CCDC157: variants seen among roughly 807,000 people sequenced by gnomAD.
CCDC157 encodes coiled-coil domain-containing protein 157.
A neutral mutation model predicts 70.9 loss-of-function variants in CCDC157; 60 were observed. That is an observed-to-expected ratio of 0.85 (90% CI 0.69 to 1.05). The LOEUF (loss-of-function observed/expected upper bound fraction) is 1.05, where lower values mean the gene tolerates loss of function less well. Ranked by LOEUF, CCDC157 falls within the 50% of genes least tolerant of loss-of-function variation. The probability of loss-of-function intolerance (pLI) is 0.00; values close to 1 mark genes in which losing one functional copy is unlikely to be tolerated. For missense variants in CCDC157, 943 were observed against 984.2 expected (o/e 0.96, Z 0.56); for synonymous variants, 373 against 422.4 (o/e 0.88, Z 1.43).
intron 3 of CCDC157, among the ~76,000 whole-genome samples, chr22:30,368,162 C>T (rs1932795699): frequency 6.6e-6 from 1 of 152,194 alleles, no homozygotes; most frequent in Non-Finnish European, 1.5e-5. Context: ...ACAGAGAAGC[C>T]AGGGTTACCA....
In CCDC157 at chr22:30,366,068, G is replaced by A. The variant is rs1932707407; in HGVS notation, c.68G>A (p.Gly23Asp). The A allele has an allele frequency of 1.2e-6, 2 of 1,609,162 alleles. No homozygotes were observed. Among genetic ancestry groups the A allele is most frequent in the Non-Finnish European group, 1.7e-6 (2 of 1,179,866 alleles). ...SLRTDLTDLQ[G>D]AIVDVFSRAG... ...CGCACAGACCTCACCGACCTGCAGG[G>A]TGCCATCGTAGACGTCTTCTCCCGC... Residue 23 changes from glycine (G) to aspartate (D), a missense_variant, in exon 3 of 12, where the codon GGT becomes GAT. Transcript: ENST00000338306.
At chr22:30,374,885 G>A (rs1391329234) in intron 9 of CCDC157, 1 of 332,016 alleles carries the variant, frequency 3.0e-6, no homozygotes, top group Non-Finnish European at 5.7e-6. Flanking sequence ...GCTCACTTTG[G>A]CTGTAGCCTG....
intron 10 of CCDC157, 167 bp downstream of exon 10, chr22:30,375,830 T>C: frequency 1.6e-6 from 1 of 642,218 alleles, no homozygotes; most frequent in South Asian, 2.0e-5. Context: ...GTGAGGATGT[T>C]ATGGATCCGA....
At position 30,374,069 on chromosome 22, in the gene CCDC157, G is replaced by A. The variant is rs1366657474; in HGVS notation, c.1650G>A (p.Arg550=). ...RLLVAFPDLH[R]PTETQIHGGR... is the part of the protein sequence containing the mutation. ...TGGTGGCCTTCCCAGACCTGCACAG[G>A]CCCACCGAGACCCAGATCCATGGTA... Residue 550 remains arginine, a synonymous_variant, in exon 9 of 12, where the codon AGG becomes AGA. Coordinates refer to ENST00000338306, the MANE Select transcript of CCDC157 (RefSeq NM_001017437.5). 6.3e-7 allele frequency: 1 copy of A among 1,599,598 alleles called. No homozygotes were observed. The highest frequency in any genetic ancestry group is 1.7e-5 in the Admixed American group (1 of 57,888).
intron 7 of CCDC157, chr22:30,372,748 C>T (rs567503112): frequency 1.3e-5 from 2 of 159,648 alleles, no homozygotes; most frequent in Admixed American, 6.2e-5. Flanking sequence ...TGGGGCCTCA[C>T]AGGAGTCCTC....
At chr22:30,362,448 A>G (rs547332198) in intron 2 of CCDC157, among the ~76,000 whole-genome samples, 1 of 152,224 alleles carries the variant, frequency 6.6e-6, no homozygotes, top group Non-Finnish European at 1.5e-5. Context: ...CTTATCTAGA[A>G]GAAGTGTGGG....
rs1245804635 is a variant in CCDC157, at chr22:30,370,643, C to A, written c.738C>A (p.Asn246Lys). 15 of 1,613,930 alleles carry A rather than the reference C, an allele frequency of 9.3e-6. No individual in the cohort carries two copies. The highest frequency in any genetic ancestry group is 1.2e-5 in the Non-Finnish European group (14 of 1,180,026). The change falls in exon 5 of 12, where the codon AAC (asparagine) becomes AAA (lysine). Residue 246 changes from asparagine to lysine, a missense_variant. Coordinates refer to ENST00000338306, the MANE Select transcript of CCDC157 (RefSeq NM_001017437.5). ...TCATCAGCCTGTGTCAGAGCCAGAA[C>A]CTGCCCTCGTCCTTAGGCCAGTTCC... ...KVVISLCQSQ[N>K]LPSSLGQFQQ...
chr22:30,356,698 C>A, upstream of CCDC157: 1 of 1,447,732 alleles, frequency 6.9e-7, no homozygotes, highest in African/African-American at 1.5e-5. Flanking sequence ...GCCAACCCTC[C>A]GGCTGCAGGC....
intron 9 of CCDC157, 180 bp from the exon 10 acceptor site, chr22:30,375,299 G>A (rs1933269369): frequency 6.6e-6 from 4 of 604,364 alleles, no homozygotes; most frequent in Non-Finnish European, 1.1e-5. Context: ...CCAGCTCTCA[G>A]ATTTTATAAT....
intron 9 of CCDC157, 150 bp from the exon 10 acceptor site, chr22:30,375,329 C>A: frequency 1.5e-6 from 1 of 675,140 alleles, no homozygotes; most frequent in Admixed American, 2.9e-5. Context: ...ATCTTCCCTG[C>A]AGGTTGGGGG....
chr22:30,372,486 T>C, intron 7 of CCDC157, 200 bp downstream of exon 7: 1 of 689,476 alleles, frequency 1.5e-6, no homozygotes, highest in East Asian at 3.1e-5. Context: ...GGACTGATAC[T>C]GCCCAGTGAG....
Position 30,376,331 on chromosome 22 carries a change from A to G in CCDC157, c.1930A>G (p.Lys644Glu). Residue 644 changes from lysine (K) to glutamate (E), a missense_variant, in exon 11 of 12, where the codon AAG (lysine) becomes GAG (glutamate). Physicochemically the swap from Lys to Glu is moderately conservative, Grantham distance 56. Coordinates refer to ENST00000338306, the MANE Select transcript of CCDC157 (RefSeq NM_001017437.5). ...TQGATPPVQA[K>E]STSPGPLGRQ... ...GGGAGCAACACCACCAGTCCAGGCC[A>G]AGAGCACATCCCCAGGGTGAGTGAG... The G allele has an allele frequency of 6.2e-7, 1 of 1,610,948 alleles. No individual in the cohort carries two copies. The highest frequency in any genetic ancestry group is 8.5e-7 in the Non-Finnish European group (1 of 1,178,656).
chr22:30,376,594 G>A lies in CCDC157; in HGVS notation c.2108G>A (p.Ser703Asn), dbSNP rs773935152. The change falls in exon 12 of 12, where the codon AGC (serine) becomes AAC (asparagine). Residue 703 changes from serine (S) to asparagine (N), a missense_variant. Ser to Asn is a conservative substitution (Grantham distance 46). Coordinates refer to ENST00000338306, the MANE Select transcript of CCDC157 (RefSeq NM_001017437.5). ...ACATCCCCATCTCGGCAGCCCTGCA[G>A]CCAGCCCAGCAAGTCCTTGCTGGAG... ...PCTSPSRQPC[S>N]QPSKSLLEGV... 36 of 1,611,838 alleles carry A rather than the reference G, an allele frequency of 2.2e-5. No individual in the cohort carries two copies. Among genetic ancestry groups the A allele is most frequent in the Non-Finnish European group, 8.5e-7 (1 of 1,179,606 alleles).
chr22:30,368,084 G>A (rs1400954329), intron 3 of CCDC157, among the ~76,000 whole-genome samples: 2 of 152,170 alleles, frequency 1.3e-5, no homozygotes, highest in Non-Finnish European at 2.9e-5. Context: ...CCTTAAAGCC[G>A]TGACGGCCAG....
In CCDC157 at chr22:30,366,228, G is replaced by A; in HGVS notation, c.228G>A (p.Leu76=). 1 of 1,613,746 alleles carries A rather than the reference G, an allele frequency of 6.2e-7. No homozygotes were observed. The highest frequency in any genetic ancestry group is 1.1e-5 in the South Asian group (1 of 91,092). Residue 76 remains leucine, a synonymous_variant, in exon 3 of 12, where the codon CTG becomes CTA. Transcript: ENST00000338306. ...PEFTQLSHAV[L]LELVIDRLLL... ...TCACGCAGCTGTCCCATGCCGTGCT[G>A]CTGGAGCTGGTCATCGACAGGTGAG... is the stretch of plus-strand genomic sequence containing the variant.
intron 3 of CCDC157, 71 bp from the exon 4 acceptor site, chr22:30,369,361 C>A: frequency 7.6e-7 from 1 of 1,310,022 alleles, no homozygotes; most frequent in Non-Finnish European, 1.0e-6. Context: ...AGAGCCAGAG[C>A]TGCGGTTGTA....
In CCDC157 at chr22:30,376,112, G is replaced by C. The variant is rs1195530899; in HGVS notation, c.1858-147G>C. 4 of 675,206 alleles carry C rather than the reference G, an allele frequency of 5.9e-6. No homozygotes were observed. In the Admixed American group the frequency reaches 1.2e-4, roughly 19 times the overall value. 41.8% of individuals were successfully genotyped at this position (675,206 alleles called of 1,614,324 possible). ...TGCAGCTGAGAATAGGCCCTGGAAG[G>C]CTTCCTAGGCCCTGCCCCTAGGTGA... On this transcript the variant is annotated intron_variant, in intron 10 of 11. Coordinates refer to ENST00000338306, the MANE Select transcript of CCDC157 (RefSeq NM_001017437.5).
intron 3 of CCDC157, chr22:30,366,505 C>A: frequency 1.8e-6 from 1 of 549,940 alleles, no homozygotes; most frequent in South Asian, 2.1e-5. Flanking sequence ...TCCATTCCAT[C>A]GGTCTCTGTG....
chr22:30,370,770 C>T lies in CCDC157; in HGVS notation c.865C>T (p.His289Tyr). 6.2e-7 allele frequency: 1 copy of T among 1,613,590 alleles called. No individual in the cohort carries two copies. The highest frequency in any genetic ancestry group is 1.1e-5 in the South Asian group (1 of 91,080). The change falls in exon 5 of 12, where the codon CAT becomes TAT. Residue 289 changes from histidine to tyrosine, a missense_variant. Physicochemically the swap from His to Tyr is moderately conservative, Grantham distance 83. Transcript: ENST00000338306. The stretch of plus-strand genomic sequence containing the variant: ...GAAAGACCTGACGCGCCTCAGTAAG[C>T]ATGTGGAGGCCCTCAGGGCCCAGCT... ...QRKDLTRLSKHVEALRAQLEE... is the reference protein window; with the variant it reads ...QRKDLTRLSKYVEALRAQLEE...
Sources: gnomAD v4.1 joint callset for allele counts (sites outside exome capture counted in the v4.1 genomes callset) on GRCh38, gnomAD v4.1.1 for gene constraint, MANE v1.5 for transcripts, NCBI Gene and HGNC (gene_info 2026-07-23, HGNC 2026-07-21) for gene names.